TIMM23B: variants seen among roughly 807,000 people sequenced by gnomAD.
The protein encoded by TIMM23B is translocase of inner mitochondrial membrane 23 homolog B.
TIMM23B carries 27 observed loss-of-function variants against 27.3 expected under a neutral mutation model. The ratio of observed to expected loss-of-function variants is 0.99; its 90% CI spans 0.73 to 1.36. TIMM23B has a LOEUF of 1.36. Ranked by LOEUF, TIMM23B falls within the 40% of genes most tolerant of loss-of-function variation. The probability of loss-of-function intolerance (pLI) is 0.00; values close to 1 mark genes in which losing one functional copy is unlikely to be tolerated. For synonymous variants in TIMM23B, 73 were observed against 92.4 expected (o/e 0.79, Z 1.21); for missense variants, 205 against 244.2 (o/e 0.84, Z 1.07).
At chr10:49,961,431 A>G (rs1173540639) in intron 6 of TIMM23B, among the ~76,000 whole-genome samples, 3 of 151,710 alleles carry the variant, frequency 2.0e-5, no homozygotes. Context: ...TGGGATCACT[A>G]GAAGACGGTT....
chr10:49,954,895 A>G, intron 4 of TIMM23B, 107 bp from the exon 5 acceptor site: 2 of 1,211,520 alleles, frequency 1.7e-6, no homozygotes, highest in Non-Finnish European at 2.4e-6. Flanking sequence ...AATTTAAAAA[A>G]CTTTGCGCCC....
chr10:49,962,406 T>G lies in TIMM23B; in HGVS notation c.514+3926T>G, dbSNP rs1281657771. Among the ~76,000 whole-genome samples the G allele has an allele frequency of 2.4e-3, 372 of 152,258 alleles. 2 individuals are homozygous for G. Among genetic ancestry groups the G allele is most frequent in the African/African-American group, 8.7e-3 (360 of 41,552 alleles). ...TTAATAGAGTCGGGGTTTCACCATGTTGGCCAGGATGTTCTCGATCCCCTG... is the reference window on the plus strand; with the variant it reads ...TTAATAGAGTCGGGGTTTCACCATGGTGGCCAGGATGTTCTCGATCCCCTG... On this transcript the variant is annotated intron_variant, in intron 6 of 6. Coordinates refer to ENST00000651259, the MANE Select transcript of TIMM23B (RefSeq NM_001290117.2).
At chr10:49,945,178 C>A in intron 2 of TIMM23B, 88 bp downstream of exon 2, 2 of 1,397,572 alleles carry the variant, frequency 1.4e-6, no homozygotes, top group Non-Finnish European at 2.0e-6. Flanking sequence ...CTATGACATA[C>A]ACTTCTGGAG....
chr10:49,947,246 G>A (rs1312639093), intron 2 of TIMM23B, among the ~76,000 whole-genome samples: 1 of 152,222 alleles, frequency 6.6e-6, no homozygotes, highest in Non-Finnish European at 1.5e-5. Context: ...AAAAGCACAA[G>A]TGGTAAAAAG....
At chr10:49,944,821 C>A (rs1839305326) in intron 1 of TIMM23B, among the ~76,000 whole-genome samples, 1 of 152,200 alleles carries the variant, frequency 6.6e-6, no homozygotes, top group South Asian at 2.1e-4. Context: ...AAAGCCTGAG[C>A]CACCAGTGGA....
In TIMM23B at chr10:49,942,275, G is replaced by A. The variant is rs1305427424; in HGVS notation, c.81G>A (p.Ser27=). Residue 27 remains serine, a synonymous_variant, in exon 1 of 7, where the codon TCG becomes TCA. Coordinates refer to ENST00000651259, the MANE Select transcript of TIMM23B (RefSeq NM_001290117.2). ...GFFGAGEAGY[S]HADLAGVPLT... is the part of the protein sequence containing the mutation. ...TCGGAGCCGGCGAAGCAGGTTACTC[G>A]CACGCGGATTTGGCTGGCGTCCCGC... 6.2e-7 allele frequency: 1 copy of A among 1,612,482 alleles called. No individual in the cohort carries two copies. Among genetic ancestry groups the A allele is most frequent in the African/African-American group, 1.3e-5 (1 of 75,002 alleles).
At chr10:49,964,606 GGTGAA>G (rs1840053067) in intron 6 of TIMM23B, among the ~76,000 whole-genome samples, 1 of 146,312 alleles carries the variant, frequency 6.8e-6, no homozygotes, top group African/African-American at 2.5e-5. Context: ...TGAAATGCCG[GGTGAA>G]ATGAAATGAA....
intron 6 of TIMM23B, among the ~76,000 whole-genome samples, chr10:49,961,387 AAAAAAAAAAAAAAGAAAAG>A (rs1288552084): frequency 6.6e-6 from 1 of 150,512 alleles, no homozygotes; most frequent in Non-Finnish European, 1.5e-5. Flanking sequence ...CTGTCTCAAA[AAAAAAAAAAAAAAGAAAAG>A]AAAAAAAATA....
intron 6 of TIMM23B, among the ~76,000 whole-genome samples, chr10:49,960,055 ATT>A (rs1403210713): frequency 8.3e-6 from 1 of 120,462 alleles, no homozygotes; most frequent in East Asian, 2.4e-4. Context: ...GCTTATTTTA[ATT>A]TTTTTTTTAA....
intron 1 of TIMM23B, chr10:49,943,212 G>C: frequency 6.7e-6 from 1 of 148,162 alleles, no homozygotes; most frequent in African/African-American, 2.5e-5. Flanking sequence ...GTTTTGTTTC[G>C]TTTTTTTTTT....
At chr10:49,945,686 G>A (rs1839333930) in intron 2 of TIMM23B, among the ~76,000 whole-genome samples, 1 of 152,088 alleles carries the variant, frequency 6.6e-6, no homozygotes, top group African/African-American at 2.4e-5. Flanking sequence ...GTTTCAAAGA[G>A]TATCTTTTTG....
At chr10:49,957,688 GTTCT>G (rs1490017006) in intron 5 of TIMM23B, among the ~76,000 whole-genome samples, 4 of 152,304 alleles carry the variant, frequency 2.6e-5, no homozygotes, top group African/African-American at 9.6e-5. Context: ...ACGTGGGTGA[GTTCT>G]TTCTCACTTT....
intron 6 of TIMM23B, 81 bp downstream of exon 6, chr10:49,958,561 C>T (rs1839797318): frequency 1.1e-5 from 13 of 1,158,206 alleles, no homozygotes; most frequent in Middle Eastern, 2.0e-4. Flanking sequence ...AAGGAAATTA[C>T]ACTCTGTTGC....
chr10:49,965,788 G>A (rs184008457), intron 6 of TIMM23B, among the ~76,000 whole-genome samples: 2 of 149,990 alleles, frequency 1.3e-5, no homozygotes, highest in East Asian at 2.0e-4. Context: ...GTAATGGAGC[G>A]AGTCTCCATC....
chr10:49,970,402 G>T (rs1202809499), intron 6 of TIMM23B: 8 of 170,242 alleles, frequency 4.7e-5, no homozygotes, highest in Non-Finnish European at 9.8e-5. Context: ...CCTCTGCCCC[G>T]CCGCCCCGTC....
intron 6 of TIMM23B, among the ~76,000 whole-genome samples, chr10:49,961,704 A>T (rs1319955649): frequency 9.3e-5 from 14 of 151,164 alleles, no homozygotes; most frequent in Non-Finnish European, 1.9e-4. Flanking sequence ...GGCTCAAAGG[A>T]TCCTCTCACC....
At chr10:49,955,130 T>G (rs1839671777) in intron 5 of TIMM23B, 70 bp downstream of exon 5, 17 of 1,503,024 alleles carry the variant, frequency 1.1e-5, no homozygotes, top group Non-Finnish European at 1.6e-5. Flanking sequence ...CATGAACAAT[T>G]TGATCAACCC....
At chr10:49,957,986 A>G (rs1182411795) in intron 5 of TIMM23B, among the ~76,000 whole-genome samples, 36 of 152,264 alleles carry the variant, frequency 2.4e-4, no homozygotes, top group Admixed American at 7.2e-4. Flanking sequence ...CAATCAGACA[A>G]GGTAGGTCAT....
intron 6 of TIMM23B, among the ~76,000 whole-genome samples, chr10:49,961,005 T>C (rs1342945985): frequency 2.2e-4 from 34 of 151,326 alleles, no homozygotes; most frequent in African/African-American, 8.0e-4. Context: ...GTAGATAAAA[T>C]AGATTGGAGG....
Sources: allele counts gnomAD v4.1 joint callset (sites outside exome capture counted in the v4.1 genomes callset), GRCh38; gene constraint gnomAD v4.1.1; transcripts MANE v1.5; gene names NCBI Gene and HGNC (gene_info 2026-07-23, HGNC 2026-07-21).